The following HLA-DOB variants were observed in gnomAD, a reference collection of about 807,000 sequenced individuals.
The protein encoded by HLA-DOB is HLA class II histocompatibility antigen, DO beta chain.
Under a neutral mutation model 27.7 loss-of-function variants are expected in HLA-DOB, and 25 were observed. The ratio of observed to expected loss-of-function variants is 0.90; its 90% confidence interval spans 0.66 to 1.26. The LOEUF (loss-of-function observed/expected upper bound fraction) is 1.26, where lower values mean the gene tolerates loss of function less well. HLA-DOB is among the 50% of genes most tolerant of loss of function. The pLI is 0.00. For missense variants in HLA-DOB, 306 were observed against 324.9 expected, an observed-to-expected ratio of 0.94 and a Z score of 0.45; for synonymous variants, 137 against 125.6, an observed-to-expected ratio of 1.09 and a Z score of -0.61.
chr6:32,813,541 C>T, intron 4 of HLA-DOB, 70 bp from the exon 5 acceptor site: 3 of 1,551,962 alleles, frequency 1.9e-6, no homozygotes, highest in Non-Finnish European at 2.7e-6. Context: ...GAGGGAAGAA[C>T]AAATGGCTGG....
At position 32,813,012 on chromosome 6, in the gene HLA-DOB, T is replaced by C; in HGVS notation, c.*204A>G. The C allele has an allele frequency of 1.6e-6, 1 of 614,828 alleles. No individual in the cohort carries two copies. Among genetic ancestry groups the C allele is most frequent in the Non-Finnish European group, 2.9e-6 (1 of 344,098 alleles). 38.1% of individuals were successfully genotyped at this position (614,828 alleles called of 1,614,324 possible). A position where few individuals can be genotyped will look rare whatever the true frequency, so the allele number is the denominator to read the frequency against. On this transcript the variant is annotated 3_prime_UTR_variant, in exon 6 of 6. Transcript: ENST00000438763. ...CCCTTGGCAATGGGGATTAATGATG[T>C]ACACGTAGAAGGGAGAAGGGCAGAT...
At position 32,815,148 on chromosome 6, in the gene HLA-DOB, T is replaced by A. The variant is rs1767964599; in HGVS notation, c.257A>T (p.Gln86Leu). The A allele has an allele frequency of 6.2e-7, 1 of 1,614,210 alleles. No homozygotes were observed. Among genetic ancestry groups the A allele is most frequent in the Non-Finnish European group, 8.5e-7 (1 of 1,180,034 alleles). ...LTKLGQPDAE[Q>L]WNSRLDLLER... ...CAAGAGATCCAGCCGGCTGTTCCAC[T>A]GCTCAGCATCTGGCTGCCCCAGCTT... is the stretch of plus-strand genomic sequence containing the variant. The change falls in exon 2 of 6, where the codon CAG becomes CTG. Residue 86 changes from glutamine to leucine, a missense_variant. Physicochemically the swap from Gln to Leu is moderately radical, Grantham distance 113 (BLOSUM62 -2). Coordinates refer to ENST00000438763, the MANE Select transcript of HLA-DOB (RefSeq NM_002120.4).
At position 32,813,106 on chromosome 6, in the gene HLA-DOB, AAG is replaced by A. The variant is rs749857284; in HGVS notation, c.*108_*109del. ...GTTCGGGCTCCTCCAAGGATCAGGG[AAG>A]AGAGTTATTCCCAGAACATTGACCT... On this transcript the variant is annotated 3_prime_UTR_variant, in exon 6 of 6. Coordinates refer to ENST00000438763, the MANE Select transcript of HLA-DOB (RefSeq NM_002120.4). 7.9e-6 allele frequency: 8 copies of A among 1,007,502 alleles called. No homozygotes were observed. The highest frequency in any genetic ancestry group is 1.7e-5 in the Admixed American group (1 of 58,844). The allele number at this position is 1,007,502 out of a possible 1,614,324, so 62.4% of individuals were successfully genotyped here.
At chr6:32,815,015 GC>G (rs761533587) in intron 2 of HLA-DOB, 28 bp downstream of exon 2, 22 of 1,610,802 alleles carry the variant, frequency 1.4e-5, no homozygotes, top group Non-Finnish European at 1.9e-5. Flanking sequence ...ACATTCCTGA[GC>G]CCCGCCAGAC....
chr6:32,814,193 C>A, intron 3 of HLA-DOB, 127 bp downstream of exon 3: 1 of 918,590 alleles, frequency 1.1e-6, no homozygotes, highest in Admixed American at 2.6e-5. Context: ...GTTTCTGTGA[C>A]TGTCCCAGAT....
At position 32,814,418 on chromosome 6, in the gene HLA-DOB, T is replaced by C; in HGVS notation, c.545A>G (p.Gln182Arg). 6.2e-7 allele frequency: 1 copy of C among 1,613,038 alleles called. No individual in the cohort carries two copies. Among genetic ancestry groups the C allele is most frequent in the Non-Finnish European group, 8.5e-7 (1 of 1,180,002 alleles). The change falls in exon 3 of 6, where the codon CAG (glutamine) becomes CGG (arginine). Residue 182 changes from glutamine to arginine, a missense_variant. Physicochemically the swap from Gln to Arg is conservative, Grantham distance 43. Transcript: ENST00000438763. ...GPIRNGDWTF[Q>R]TVVMLEMTPE... is the part of the protein sequence containing the mutation. Reference sequence around the variant, plus strand: ...AGTCATTTCTAGCATCACCACAGTCTGAAAGGTCCAGTCTCCATTCCTGAT... The same window carrying C: ...AGTCATTTCTAGCATCACCACAGTCCGAAAGGTCCAGTCTCCATTCCTGAT...
At chr6:32,816,732 G>T (rs1253476113) in intron 1 of HLA-DOB, 129 bp downstream of exon 1, 2 of 690,448 alleles carry the variant, frequency 2.9e-6, no homozygotes, top group Non-Finnish European at 4.9e-6. Flanking sequence ...CCAAAGGGAA[G>T]AACACTGTTC....
chr6:32,815,273 G>A lies in HLA-DOB; in HGVS notation c.132C>T (p.Thr44=), dbSNP rs150439063. The A allele has an allele frequency of 1.4e-5, 22 of 1,614,068 alleles. No individual in the cohort carries two copies. The African/African-American group carries it at 2.7e-4, about 20-fold the overall frequency. ...CAAACTGCACCTTTTCTGTCCCGTT[G>A]GTGAAGTAACAGTCAGCCTTTGCCT... ...VIQAKADCYF[T]NGTEKVQFVV... Residue 44 remains threonine (T), a synonymous_variant, in exon 2 of 6, where the codon ACC becomes ACT. Transcript: ENST00000438763.
chr6:32,814,696 C>T (rs1249953326), intron 2 of HLA-DOB, 95 bp from the exon 3 acceptor site: 9 of 1,168,172 alleles, frequency 7.7e-6, no homozygotes, highest in African/African-American at 3.1e-5. Context: ...AATCTCTTTC[C>T]CAGATCACCC....
chr6:32,815,392 A>T, intron 1 of HLA-DOB, 79 bp from the exon 2 acceptor site: 3 of 1,525,578 alleles, frequency 2.0e-6, no homozygotes, highest in Non-Finnish European at 2.7e-6. Context: ...GTCAGACCAC[A>T]TGGATCTAAG....
At position 32,816,888 on chromosome 6, in the gene HLA-DOB, A is replaced by G; in HGVS notation, c.64T>C (p.Ser22Pro). Residue 22 changes from serine (S) to proline (P), a missense_variant, in exon 1 of 6, where the codon TCC (serine) becomes CCC (proline). Ser to Pro is a moderately conservative substitution (Grantham distance 74). Coordinates refer to ENST00000438763, the MANE Select transcript of HLA-DOB (RefSeq NM_002120.4). ...GGAGAGTCTGTGCCTTGAGTCATGG[A>G]GGAATCCAGTCGGGTCAGATTCACT... ...LLVNLTRLDS[S>P]MTQGTDSPED... is the part of the protein sequence containing the mutation. 2 of 1,613,010 alleles carry G rather than the reference A, an allele frequency of 1.2e-6. No individual in the cohort carries two copies. The highest frequency in any genetic ancestry group is 4.5e-5 in the East Asian group (2 of 44,888).
chr6:32,816,715 C>T (rs1768033597), intron 1 of HLA-DOB, 146 bp downstream of exon 1: 2 of 629,716 alleles, frequency 3.2e-6, no homozygotes, highest in Non-Finnish European at 5.5e-6. Context: ...CAAGGCGTAC[C>T]TTTCTGCCAA....
intron 1 of HLA-DOB, among the ~76,000 whole-genome samples, chr6:32,816,187 G>A (rs561605728): frequency 6.6e-6 from 1 of 152,222 alleles, no homozygotes; most frequent in East Asian, 1.9e-4. Flanking sequence ...ATGCAAAGGG[G>A]ATTCTGTTCT....
Position 32,813,462 on chromosome 6 carries a change from C to T in HLA-DOB, c.764G>A (p.Arg255Lys). ...TACCTCATTACCAGACATCTGCGTC[C>T]TCACATATCCTGGAAAGAAATCGAG... Reference protein sequence around the residue: ...IQLRAQKGYVRTQMSGNEVSR... With the variant: ...IQLRAQKGYVKTQMSGNEVSR... Residue 255 changes from arginine to lysine, a missense_variant, in exon 5 of 6, where the codon AGG becomes AAG. Coordinates refer to ENST00000438763, the MANE Select transcript of HLA-DOB (RefSeq NM_002120.4). The T allele has an allele frequency of 6.2e-7, 1 of 1,613,020 alleles. No individual in the cohort carries two copies. The highest frequency in any genetic ancestry group is 8.5e-7 in the Non-Finnish European group (1 of 1,179,902).
chr6:32,814,348 G>T lies in HLA-DOB; in HGVS notation c.615C>A (p.Ser205Arg). The change falls in exon 3 of 6, where the codon AGC (serine) becomes AGA (arginine). Residue 205 changes from serine to arginine, a missense_variant. Physicochemically the swap from Ser to Arg is moderately radical, Grantham distance 110 (BLOSUM62 -1). Transcript: ENST00000438763. ...HVYTCLVDHS[S>R]LLSPVSVEWR... Reference sequence around the variant, plus strand: ...ACTCCACAGAAACAGGGCTCAGCAGGCTGGAGTGATCGACAAGGCAGGTGT... The same window carrying T: ...ACTCCACAGAAACAGGGCTCAGCAGTCTGGAGTGATCGACAAGGCAGGTGT... 1 of 1,613,000 alleles carries T rather than the reference G, an allele frequency of 6.2e-7. No homozygotes were observed. The highest frequency in any genetic ancestry group is 1.1e-5 in the South Asian group (1 of 91,064).
chr6:32,813,948 T>C (rs1358160294), intron 3 of HLA-DOB, 115 bp from the exon 4 acceptor site: 1 of 743,560 alleles, frequency 1.3e-6, no homozygotes, highest in Non-Finnish European at 2.2e-6. Flanking sequence ...GAAAAATAAA[T>C]AAATTTAGAA....
chr6:32,813,926 A>T lies in HLA-DOB; in HGVS notation c.644-93T>A, dbSNP rs56326513. Reference sequence around the variant, plus strand: ...GAATCTGTACTAGACACCAAATCCAATGCTAGCTAGAGAAAAATAAATAAA... The same window carrying T: ...GAATCTGTACTAGACACCAAATCCATTGCTAGCTAGAGAAAAATAAATAAA... On this transcript the variant is annotated intron_variant, in intron 3 of 5. Transcript: ENST00000438763. 64 of 791,590 alleles carry T rather than the reference A, an allele frequency of 8.1e-5. No homozygotes were observed. The East Asian group carries it at 1.7e-3, about 21-fold the overall frequency. 49.0% of individuals were successfully genotyped at this position (791,590 alleles called of 1,614,324 possible). A position where few individuals can be genotyped will look rare whatever the true frequency, so the allele number is the denominator to read the frequency against.
chr6:32,816,929 C>T lies in HLA-DOB; in HGVS notation c.23G>A (p.Trp8Ter). The change falls in exon 1 of 6, where the codon TGG becomes TAG. Residue 8 changes from tryptophan to a stop codon, truncating the protein, a stop_gained. Transcript: ENST00000438763. LOFTEE classifies it high-confidence loss of function. Reference protein sequence around the residue: MGSGWVPWVVALLVNLTR... With the variant: MGSGWVP ...CAGATTCACTAGCAGAGCCACCACC[C>T]AGGGGACCCACCCAGAACCCATTCT... The T allele has an allele frequency of 6.2e-7, 1 of 1,612,950 alleles. No individual in the cohort carries two copies. Among genetic ancestry groups the T allele is most frequent in the South Asian group, 1.1e-5 (1 of 91,066 alleles).
Position 32,816,807 on chromosome 6 carries a change from C to T in HLA-DOB, c.91+54G>A, listed in dbSNP as rs1047690297. On this transcript the variant is annotated intron_variant, in intron 1 of 5. Coordinates refer to ENST00000438763, the MANE Select transcript of HLA-DOB (RefSeq NM_002120.4). ...GGACTTACAAAGAAAGGCATCACTC[C>T]CCCATGCCAATTCTTGCATACACAC... The T allele has an allele frequency of 2.1e-5, 29 of 1,402,822 alleles. No individual in the cohort carries two copies. In the African/African-American group the frequency reaches 2.3e-4, roughly 11 times the overall value. 86.9% of individuals were successfully genotyped at this position (1,402,822 alleles called of 1,614,324 possible).
Sources: allele counts gnomAD v4.1 joint callset (sites outside exome capture counted in the v4.1 genomes callset), GRCh38; gene constraint gnomAD v4.1.1; transcripts MANE v1.5; gene names NCBI Gene and HGNC (gene_info 2026-07-23, HGNC 2026-07-21).